The following USP22 variants were observed in gnomAD, a reference collection of about 807,000 sequenced individuals.
USP22 encodes the protein ubiquitin specific peptidase 22.
A neutral mutation model predicts 68.1 loss-of-function variants in USP22; 22 were observed. The ratio of observed to expected loss-of-function variants is 0.32; its 90% CI spans 0.23 to 0.46. The LOEUF is 0.46. Among genes scored for constraint, USP22 ranks in the 20% least tolerant of loss-of-function variants. The pLI is 1.00. For missense variants in USP22, 433 were observed against 695.8 expected (o/e 0.62, Z 4.25); for synonymous variants, 279 against 274.2 (o/e 1.02, Z -0.17).
intron 1 of USP22, among the ~76,000 whole-genome samples, chr17:21,037,332 C>T (rs1390385932): frequency 6.6e-6 from 1 of 152,206 alleles, no homozygotes; most frequent in East Asian, 1.9e-4. Flanking sequence ...GAGTGACTCC[C>T]TTCTATTATA....
intron 3 of USP22, 113 bp from the exon 4 acceptor site, chr17:21,019,298 A>AAT: frequency 1.0e-6 from 1 of 987,880 alleles, no homozygotes; most frequent in East Asian, 2.4e-5. Flanking sequence ...TTCAGTGAGC[A>AAT]ACATCCACAG....
In USP22 at chr17:21,028,943, A is replaced by G. The variant is rs1972256085; in HGVS notation, c.172-269T>C. ...CTGTAAGCTACGGGGATGTTCCCCC[A>G]CCTCCTGCTCCTGATCCTGATGGGC... On this transcript the variant is annotated intron_variant, in intron 1 of 12. Coordinates refer to ENST00000261497, the MANE Select transcript of USP22 (RefSeq NM_015276.2). 2.0e-5 allele frequency among the ~76,000 whole-genome samples: 3 copies of G among 147,674 alleles called. No individual in the cohort carries two copies. In the Admixed American group the frequency reaches 2.1e-4, roughly 10 times the overall value.
At chr17:21,042,358 A>C in intron 1 of USP22, 1 of 144,946 alleles carries the variant, frequency 6.9e-6, no homozygotes, top group East Asian at 1.8e-4. Flanking sequence ...GCGGAGAGAA[A>C]GGAGGGGGAG....
At chr17:21,004,816 G>A in intron 11 of USP22, 112 bp downstream of exon 11, 2 of 1,197,448 alleles carry the variant, frequency 1.7e-6, no homozygotes, top group Non-Finnish European at 1.2e-6. Flanking sequence ...CAGCCAAGCG[G>A]GAAGCAGGTC....
intron 1 of USP22, among the ~76,000 whole-genome samples, chr17:21,037,941 G>A (rs879607707): frequency 6.6e-6 from 1 of 152,160 alleles, no homozygotes; most frequent in Non-Finnish European, 1.5e-5. Flanking sequence ...TCTTACACCA[G>A]TATGTCAATC....
chr17:21,041,274 C>T (rs1269858735), intron 1 of USP22, among the ~76,000 whole-genome samples: 2 of 152,164 alleles, frequency 1.3e-5, no homozygotes, highest in African/African-American at 4.8e-5. Context: ...TTCATCCAGA[C>T]ATAACGCTAC....
intron 2 of USP22, among the ~76,000 whole-genome samples, chr17:21,023,725 A>C (rs898650429): frequency 3.3e-5 from 5 of 151,962 alleles, no homozygotes; most frequent in African/African-American, 1.2e-4. Flanking sequence ...AGCGAAGCAC[A>C]GAGGAAAGAC....
chr17:21,007,827 AAAACT>A, intron 9 of USP22, 38 bp downstream of exon 9: 1 of 1,613,718 alleles, frequency 6.2e-7, no homozygotes, highest in Non-Finnish European at 8.5e-7. Flanking sequence ...CTGTGGACTA[AAAACT>A]AAGTCTGCCA....
intron 5 of USP22, 25 bp downstream of exon 5, chr17:21,017,917 C>G: frequency 6.2e-7 from 1 of 1,608,916 alleles, no homozygotes; most frequent in Middle Eastern, 1.7e-4. Flanking sequence ...AGAAATGTTC[C>G]CCTGCAGAAG....
At chr17:21,026,684 T>A (rs1339835282) in intron 2 of USP22, among the ~76,000 whole-genome samples, 1 of 150,618 alleles carries the variant, frequency 6.6e-6, no homozygotes, top group Non-Finnish European at 1.5e-5. Flanking sequence ...ACACACTGTG[T>A]CCAGGCATGG....
intron 6 of USP22, among the ~76,000 whole-genome samples, chr17:21,013,211 T>A (rs1914022208): frequency 6.6e-6 from 1 of 152,230 alleles, no homozygotes; most frequent in Non-Finnish European, 1.5e-5. Flanking sequence ...GCCCAGTGAC[T>A]GAGCAGAATA....
At chr17:21,023,736 C>T (rs952098001) in intron 2 of USP22, among the ~76,000 whole-genome samples, 1 of 151,888 alleles carries the variant, frequency 6.6e-6, no homozygotes, top group African/African-American at 2.4e-5. Flanking sequence ...GAGGAAAGAC[C>T]ATGGATTGAG....
intron 5 of USP22, 43 bp downstream of exon 5, chr17:21,017,899 A>G (rs781048797): frequency 1.2e-6 from 2 of 1,600,470 alleles, no homozygotes; most frequent in East Asian, 4.5e-5. Flanking sequence ...AGGTGAAAAC[A>G]AAGTAACAGA....
At chr17:21,021,348 T>C in intron 2 of USP22, 122 bp from the exon 3 acceptor site, 1 of 674,972 alleles carries the variant, frequency 1.5e-6, no homozygotes, top group Non-Finnish European at 2.6e-6. Context: ...ACCTTCCTAT[T>C]CACAAGCAGG....
chr17:21,027,013 C>T (rs962306315), intron 2 of USP22, among the ~76,000 whole-genome samples: 5 of 151,828 alleles, frequency 3.3e-5, no homozygotes, highest in Admixed American at 6.6e-5. Flanking sequence ...CCATGTTGGC[C>T]GGGATGGTCT....
intron 1 of USP22, among the ~76,000 whole-genome samples, chr17:21,038,522 G>A (rs1388636269): frequency 6.6e-6 from 1 of 152,124 alleles, no homozygotes; most frequent in African/African-American, 2.4e-5. Flanking sequence ...ACAAAAATTA[G>A]CCAGGTGCGG....
chr17:21,021,337 C>A lies in USP22; in HGVS notation c.305-111G>T. ...TTCTGTAGATACTGACTGTTCACAG[C>A]ACCTTCCTATTCACAAGCAGGGAAG... On this transcript the variant is annotated intron_variant, in intron 2 of 12. Transcript: ENST00000261497. The A allele has an allele frequency of 8.5e-6, 6 of 705,478 alleles. 1 individual carries two copies. The highest frequency in any genetic ancestry group is 6.5e-5 in the South Asian group (4 of 61,882). The allele number at this position is 705,478 out of a possible 1,614,324, so 43.7% of individuals were successfully genotyped here.
intron 1 of USP22, among the ~76,000 whole-genome samples, chr17:21,032,922 C>CAAAAAAAAAAAAAAAAAAAAAAA (rs753804890): frequency 1.1e-5 from 1 of 91,572 alleles, no homozygotes; most frequent in African/African-American, 5.8e-5. Context: ...GACCCTGTCT[C>CAAAAAAAAAAAAAAAAAAAAAAA]AAAAAAAAAA....
intron 7 of USP22, chr17:21,011,553 C>T: frequency 6.3e-6 from 3 of 476,526 alleles, no homozygotes; most frequent in Non-Finnish European, 1.1e-5. Flanking sequence ...CAAGCAAGGA[C>T]TTCCCAGTCT....
Sources: gnomAD v4.1 joint callset for allele counts (sites outside exome capture counted in the v4.1 genomes callset) on GRCh38, gnomAD v4.1.1 for gene constraint, MANE v1.5 for transcripts, NCBI Gene and HGNC (gene_info 2026-07-23, HGNC 2026-07-21) for gene names.